Variants in OLFM4 observed in about 807,000 individuals in gnomAD.
OLFM4 encodes the protein olfactomedin 4.
In OLFM4, 22 loss-of-function variants were observed where a neutral mutation model predicts 25.5. The observed-to-expected ratio is 0.86, with a 90% CI of 0.62 to 1.23. OLFM4 has a LOEUF of 1.23. Ranked by LOEUF, OLFM4 falls within the 50% of genes most tolerant of loss-of-function variation. The probability of loss-of-function intolerance (pLI) is 0.00; values close to 1 mark genes in which losing one functional copy is unlikely to be tolerated. For missense variants in OLFM4, 594 were observed against 619.4 expected, an observed-to-expected ratio of 0.96 and a Z score of 0.44; for synonymous variants, 255 against 237.7, an observed-to-expected ratio of 1.07 and a Z score of -0.67.
chr13:53,051,813 A>G lies in OLFM4; in HGVS notation c.*1042A>G, dbSNP rs986515114. ...TGTTTAAGCCTGGAACTTGTAAGAA[A>G]ATGAAAATTTAATTTTTTTTTCTAG... On this transcript the variant is annotated 3_prime_UTR_variant, in exon 5 of 5. Transcript: ENST00000219022. 2.6e-5 allele frequency: 4 copies of G among 152,172 alleles called. No individual in the cohort carries two copies. Among genetic ancestry groups the G allele is most frequent in the Non-Finnish European group, 5.9e-5 (4 of 68,030 alleles). The allele number at this position is 152,172 out of a possible 1,614,324, so 9.4% of individuals were successfully genotyped here. A position where few individuals can be genotyped will look rare whatever the true frequency, so the allele number is the denominator to read the frequency against.
At chr13:53,039,157 A>T (rs926394260) in intron 2 of OLFM4, among the ~76,000 whole-genome samples, 1 of 152,266 alleles carries the variant, frequency 6.6e-6, no homozygotes, top group African/African-American at 2.4e-5. Context: ...GTAGAACAAC[A>T]GCTGCGATGT....
Position 53,051,281 on chromosome 13 carries a change from T to C in OLFM4, c.*510T>C, listed in dbSNP as rs1435822983. ...TTTTTCCCCTCACTAGCACCTGGAA[T>C]GATGCTTTGTATGTGGCAGATAAGT... On this transcript the variant is annotated 3_prime_UTR_variant, in exon 5 of 5. Transcript: ENST00000219022. 6.5e-6 allele frequency: 1 copy of C among 152,776 alleles called. No homozygotes were observed. Among genetic ancestry groups the C allele is most frequent in the East Asian group, 1.9e-4 (1 of 5,200 alleles). 9.5% of individuals were successfully genotyped at this position (152,776 alleles called of 1,614,324 possible).
Position 53,043,044 on chromosome 13 carries a change from G to A in OLFM4, c.571-61G>A, listed in dbSNP as rs1338285252. On this transcript the variant is annotated intron_variant, in intron 3 of 4. Transcript: ENST00000219022. ...TCACTAAATGACAAATTCAGCCCTG[G>A]AATGTTTATGAAAGAAATTGCACCA... 30 of 1,341,124 alleles carry A rather than the reference G, an allele frequency of 2.2e-5. 1 individual carries two copies. The highest frequency in any genetic ancestry group is 1.5e-4 in the South Asian group (10 of 68,390). The allele number at this position is 1,341,124 out of a possible 1,614,324, so 83.1% of individuals were successfully genotyped here.
chr13:53,029,537 C>T (rs1020025409), intron 1 of OLFM4, among the ~76,000 whole-genome samples: 2 of 152,162 alleles, frequency 1.3e-5, no homozygotes, highest in African/African-American at 4.8e-5. Context: ...AACAGTAGCC[C>T]TCGAGGGAGT....
rs761079029 is a variant in OLFM4, at chr13:53,049,982, T to C, written c.744T>C (p.His248=). The C allele has an allele frequency of 6.2e-7, 1 of 1,606,664 alleles. No homozygotes were observed. Among genetic ancestry groups the C allele is most frequent in the Non-Finnish European group, 8.5e-7 (1 of 1,174,032 alleles). The part of the protein sequence containing the change: ...HPPPTPGSCG[H]GGVVNISKPS... ...TTGTTTGTATAGGGAGCTGTGGTCA[T>C]GGTGGTGTGGTGAACATCAGCAAAC... is the stretch of plus-strand genomic sequence containing the variant. Residue 248 remains histidine, a synonymous_variant, in exon 5 of 5, where the codon CAT becomes CAC. Coordinates refer to ENST00000219022, the MANE Select transcript of OLFM4 (RefSeq NM_006418.5).
intron 1 of OLFM4, among the ~76,000 whole-genome samples, chr13:53,030,704 C>T (rs541107994): frequency 6.6e-6 from 1 of 152,308 alleles, no homozygotes; most frequent in East Asian, 1.9e-4. Context: ...TTTTAAGTCA[C>T]TAAGCTAGCA....
At chr13:53,049,912 T>A (rs1469036765) in intron 4 of OLFM4, 57 bp from the exon 5 acceptor site, 1 of 1,484,206 alleles carries the variant, frequency 6.7e-7, no homozygotes, top group African/African-American at 1.4e-5. Context: ...ATTAAACTAT[T>A]TGTATCCTGT....
intron 2 of OLFM4, among the ~76,000 whole-genome samples, chr13:53,037,591 G>T (rs1231649588): frequency 2.0e-5 from 3 of 152,042 alleles, no homozygotes; most frequent in Non-Finnish European, 4.4e-5. Context: ...TGATAATCTT[G>T]TAAGCTCAGT....
intron 1 of OLFM4, 24 bp downstream of exon 1, chr13:53,029,064 T>A (rs201143847): frequency 6.2e-7 from 1 of 1,612,740 alleles, no homozygotes; most frequent in Admixed American, 1.7e-5. Context: ...AGAATCTGAA[T>A]GAGCTGCATT....
At chr13:53,045,537 C>T (rs1209022801) in intron 4 of OLFM4, among the ~76,000 whole-genome samples, 4 of 152,110 alleles carry the variant, frequency 2.6e-5, no homozygotes, top group African/African-American at 4.8e-5. Context: ...AACTTGTGAG[C>T]CTGTGGAGAC....
rs947143325 is a variant in OLFM4 at position 53,051,567 on chromosome 13, G to C, written c.*796G>C. On this transcript the variant is annotated 3_prime_UTR_variant, in exon 5 of 5. Coordinates refer to ENST00000219022, the MANE Select transcript of OLFM4 (RefSeq NM_006418.5). ...CACCCCCCACCAACCCCCTTCTACT[G>C]CCTACTTTAAAAAAATTAATAGTTT... is the stretch of plus-strand genomic sequence containing the variant. 3 of 151,640 alleles carry C rather than the reference G, an allele frequency of 2.0e-5. No individual in the cohort carries two copies. Among genetic ancestry groups the C allele is most frequent in the Non-Finnish European group, 4.4e-5 (3 of 67,934 alleles). 9.4% of individuals were successfully genotyped at this position (151,640 alleles called of 1,614,324 possible).
At chr13:53,046,542 G>T (rs778399847) in intron 4 of OLFM4, among the ~76,000 whole-genome samples, 1 of 152,202 alleles carries the variant, frequency 6.6e-6, no homozygotes, top group East Asian at 1.9e-4. Context: ...GGTAAGCTGA[G>T]TTTAGGTGAC....
chr13:53,038,098 T>A (rs934137351), intron 2 of OLFM4, among the ~76,000 whole-genome samples: 6 of 152,152 alleles, frequency 3.9e-5, no homozygotes, highest in African/African-American at 1.4e-4. Context: ...TGCTCAGACT[T>A]GTCATGATGA....
intron 2 of OLFM4, among the ~76,000 whole-genome samples, chr13:53,037,198 G>C (rs1199739010): frequency 1.3e-5 from 2 of 152,220 alleles, no homozygotes; most frequent in African/African-American, 4.8e-5. Flanking sequence ...ACAGGGAGCT[G>C]CCTCTGCATA....
At chr13:53,038,308 G>A (rs1954670134) in intron 2 of OLFM4, among the ~76,000 whole-genome samples, 1 of 152,062 alleles carries the variant, frequency 6.6e-6, no homozygotes, top group Non-Finnish European at 1.5e-5. Flanking sequence ...TCAAAATACA[G>A]CCATAGGTCA....
chr13:53,042,040 T>A lies in OLFM4; in HGVS notation c.488T>A (p.Val163Glu). ...GACTTCGAGCTGATCAAGGTAGAAG[T>A]GAAGGAGATGGAAAAACTGGTCATA... is the stretch of plus-strand genomic sequence containing the variant. ...ELDFELIKVEVKEMEKLVIQL... is the reference protein window; with the variant it reads ...ELDFELIKVEEKEMEKLVIQL... Residue 163 changes from valine to glutamate, a missense_variant, in exon 3 of 5, where the codon GTG becomes GAG. Physicochemically the swap from Val to Glu is moderately radical, Grantham distance 121. Coordinates refer to ENST00000219022, the MANE Select transcript of OLFM4 (RefSeq NM_006418.5). 1.2e-6 allele frequency: 2 copies of A among 1,614,012 alleles called. No individual in the cohort carries two copies. Among genetic ancestry groups the A allele is most frequent in the Non-Finnish European group, 1.7e-6 (2 of 1,179,966 alleles).
At chr13:53,042,757 A>G (rs1269851350) in intron 3 of OLFM4, among the ~76,000 whole-genome samples, 1 of 152,208 alleles carries the variant, frequency 6.6e-6, no homozygotes, top group Non-Finnish European at 1.5e-5. Context: ...GGCCCTCACC[A>G]TTCATTAGAA....
In OLFM4 at chr13:53,034,683, A is replaced by G. The variant is rs111245925; in HGVS notation, c.357+183A>G. On this transcript the variant is annotated intron_variant, in intron 2 of 4. Transcript: ENST00000219022. ...TTCTTATTAAGGCAGGGAAAATGAG[A>G]GCACAGGAAGAAAGTGGGGTTCAAA... Among the ~76,000 whole-genome samples, 275 of 152,312 alleles carry G rather than the reference A, an allele frequency of 1.8e-3. 1 individual carries two copies. Among genetic ancestry groups the G allele is most frequent in the African/African-American group, 6.5e-3 (269 of 41,570 alleles).
intron 2 of OLFM4, among the ~76,000 whole-genome samples, chr13:53,038,556 T>C (rs1484743186): frequency 1.3e-5 from 2 of 152,158 alleles, no homozygotes; most frequent in East Asian, 3.9e-4. Context: ...ATAGAAAAGG[T>C]ACAGTAAAAA....
Sources: gnomAD v4.1 joint callset for allele counts (sites outside exome capture counted in the v4.1 genomes callset) on GRCh38, gnomAD v4.1.1 for gene constraint, MANE v1.5 for transcripts, NCBI Gene and HGNC (gene_info 2026-07-23, HGNC 2026-07-21) for gene names.